PYROXD2: variants seen among roughly 807,000 people sequenced by gnomAD.
PYROXD2 encodes pyridine nucleotide-disulphide oxidoreductase domain 2.
In PYROXD2, 69 loss-of-function variants were observed where a neutral mutation model predicts 71.1. The observed-to-expected ratio is 0.97, with a 90% CI of 0.80 to 1.19. The LOEUF (loss-of-function observed/expected upper bound fraction) is 1.19, where lower values mean the gene tolerates loss of function less well. PYROXD2 is among the 50% of genes most tolerant of loss of function. The pLI, the probability that PYROXD2 is intolerant of heterozygous loss-of-function variation, is 0.00. For missense variants in PYROXD2, 745 were observed against 748.9 expected, an observed-to-expected ratio of 0.99 and a Z score of 0.06; for synonymous variants, 287 against 302.7, an observed-to-expected ratio of 0.95 and a Z score of 0.54.
At chr10:98,392,310 A>G in intron 10 of PYROXD2, 122 bp downstream of exon 10, 1 of 1,484,120 alleles carries the variant, frequency 6.7e-7, no homozygotes, top group Admixed American at 2.1e-5. Flanking sequence ...CTGTTTCCCA[A>G]ATGCAGAGAC....
intron 8 of PYROXD2, 135 bp from the exon 9 acceptor site, chr10:98,393,218 A>G: frequency 1.5e-6 from 1 of 683,942 alleles, no homozygotes. Context: ...GCAGCCTTCA[A>G]TGAGCTCAAG....
intron 2 of PYROXD2, 166 bp downstream of exon 2, chr10:98,410,773 C>A: frequency 1.0e-6 from 1 of 1,001,522 alleles, no homozygotes; most frequent in South Asian, 1.7e-5. Flanking sequence ...GATGAGCATT[C>A]GACCCAGCCC....
chr10:98,400,322 T>C, intron 4 of PYROXD2, 65 bp from the exon 5 acceptor site: 2 of 1,486,194 alleles, frequency 1.3e-6, no homozygotes, highest in Non-Finnish European at 1.8e-6. Flanking sequence ...ATCATCTTTC[T>C]CCGATTGTGT....
At chr10:98,386,327 G>GAGGAAGGAAGGAAGGAAGGAAGGAAGGA (rs57195135) in intron 14 of PYROXD2, among the ~76,000 whole-genome samples, 1 of 134,842 alleles carries the variant, frequency 7.4e-6, no homozygotes, top group Non-Finnish European at 1.5e-5. Context: ...GGAAGGGAGG[G>GAGGAAGGAAGGAAGGAAGGAAGGAAGGA]AGGAAGGAAG....
chr10:98,401,615 T>G (rs1343554728), intron 4 of PYROXD2, among the ~76,000 whole-genome samples: 4 of 152,176 alleles, frequency 2.6e-5, no homozygotes, highest in Admixed American at 2.0e-4. Context: ...ATAAAATATT[T>G]TCTTTATATC....
At chr10:98,403,113 G>C (rs1038887800) in intron 4 of PYROXD2, among the ~76,000 whole-genome samples, 10 of 152,230 alleles carry the variant, frequency 6.6e-5, no homozygotes, top group African/African-American at 2.4e-4. Context: ...CTGTGGAGGA[G>C]ATTTCCGATG....
chr10:98,388,554 G>T, intron 12 of PYROXD2, 46 bp from the exon 13 acceptor site: 1 of 1,482,244 alleles, frequency 6.7e-7, no homozygotes, highest in South Asian at 1.4e-5. Context: ...GCAGCAGTGC[G>T]GAGGGTAGGG....
At chr10:98,389,104 G>A (rs1466081035) in intron 12 of PYROXD2, among the ~76,000 whole-genome samples, 1 of 152,060 alleles carries the variant, frequency 6.6e-6, no homozygotes, top group East Asian at 1.9e-4. Flanking sequence ...CAATGTTCTC[G>A]CTGAACTCGG....
chr10:98,405,090 A>G (rs1301422419), intron 4 of PYROXD2, among the ~76,000 whole-genome samples: 1 of 151,992 alleles, frequency 6.6e-6, no homozygotes, highest in East Asian at 1.9e-4. Flanking sequence ...AGGGGATGAA[A>G]AGCCCCCCTC....
At chr10:98,401,273 A>ACAAAC (rs1554879097) in intron 4 of PYROXD2, among the ~76,000 whole-genome samples, 1,221 of 121,644 alleles carry the variant, frequency 0.01, 47 homozygotes, top group African/African-American at 0.035. Flanking sequence ...AAAACAAAAA[A>ACAAAC]AAACAAACAT....
Position 98,414,989 on chromosome 10 carries a change from G to A in PYROXD2, c.127+20C>T, listed in dbSNP as rs368162969. On this transcript the variant is annotated intron_variant, in intron 1 of 15. Coordinates refer to ENST00000370575, the MANE Select transcript of PYROXD2 (RefSeq NM_032709.3). ...TCTTCCCGCCCCTCAGCTCTGGCCC[G>A]GCCTGCTTTACCACTTTACCTGCTC... 3 of 1,607,350 alleles carry A rather than the reference G, an allele frequency of 1.9e-6. No individual in the cohort carries two copies. The highest frequency in any genetic ancestry group is 3.4e-5 in the Admixed American group (2 of 59,558).
At chr10:98,391,832 A>T (rs989667169) in intron 10 of PYROXD2, among the ~76,000 whole-genome samples, 2 of 151,826 alleles carry the variant, frequency 1.3e-5, no homozygotes, top group African/African-American at 4.8e-5. Flanking sequence ...CGAGTCCCCC[A>T]CCCGGTCATC....
At chr10:98,389,168 C>T (rs12242756) in intron 12 of PYROXD2, among the ~76,000 whole-genome samples, 271 of 152,228 alleles carry the variant, frequency 1.8e-3, no homozygotes, top group African/African-American at 6.2e-3. Context: ...GCCTGATTAG[C>T]CTCTAAAATC....
rs17109738 is a variant in PYROXD2 at position 98,411,138 on chromosome 10, C to T, written c.128-180G>A. On this transcript the variant is annotated intron_variant, in intron 1 of 15. Transcript: ENST00000370575. ...GCATCTAGTTCAACTCCATGAAACACCAGATCTTCAAGGAGTCAGAAAACC... is the reference window on the plus strand; with the variant it reads ...GCATCTAGTTCAACTCCATGAAACATCAGATCTTCAAGGAGTCAGAAAACC... The T allele has an allele frequency of 5.2e-3, 4,309 of 834,058 alleles. 118 individuals carry two copies. The African/African-American group carries it at 0.061, about 12-fold the overall frequency. 51.7% of individuals were successfully genotyped at this position (834,058 alleles called of 1,614,324 possible). A position where few individuals can be genotyped will look rare whatever the true frequency, so the allele number is the denominator to read the frequency against.
Position 98,392,958 on chromosome 10 carries a change from C to A in PYROXD2, c.911G>T (p.Ser304Ile), listed in dbSNP as rs149406474. The change falls in exon 9 of 16, where the codon AGC (serine) becomes ATC (isoleucine). Residue 304 changes from serine to isoleucine, a missense_variant. Coordinates refer to ENST00000370575, the MANE Select transcript of PYROXD2 (RefSeq NM_032709.3). ...IASSATTHGA[S>I]IFTEKTVAKV... Reference sequence around the variant, plus strand: ...GCCGTTCACCTTTTCAGTGAAGATGCTTGCTCCATGTGTGGTGGCTGAGCT... The same window carrying A: ...GCCGTTCACCTTTTCAGTGAAGATGATTGCTCCATGTGTGGTGGCTGAGCT... 4.9e-5 allele frequency: 79 copies of A among 1,613,918 alleles called. No homozygotes were observed. Among genetic ancestry groups the A allele is most frequent in the Admixed American group, 4.0e-4 (24 of 59,988 alleles).
chr10:98,384,801 C>G, intron 15 of PYROXD2, 146 bp downstream of exon 15: 4 of 1,258,992 alleles, frequency 3.2e-6, no homozygotes, highest in Non-Finnish European at 4.2e-6. Context: ...ATGGATAATT[C>G]TGAACACAGG....
Position 98,414,045 on chromosome 10 carries a change from T to G in PYROXD2, c.127+964A>C, listed in dbSNP as rs570709917. 29 of 152,110 alleles carry G rather than the reference T, an allele frequency of 1.9e-4. No individual in the cohort carries two copies. In the East Asian group the frequency reaches 5.2e-3, roughly 27 times the overall value. The allele number at this position is 152,110 out of a possible 1,614,324, so 9.4% of individuals were successfully genotyped here. ...AAGCATGTGTATATGTGTATATATA[T>G]GTACGTAACACATATACATATATAT... is the stretch of plus-strand genomic sequence containing the variant. On this transcript the variant is annotated intron_variant, in intron 1 of 15. Coordinates refer to ENST00000370575, the MANE Select transcript of PYROXD2 (RefSeq NM_032709.3).
At chr10:98,392,387 G>A in intron 10 of PYROXD2, 45 bp downstream of exon 10, 1 of 1,599,642 alleles carries the variant, frequency 6.3e-7, no homozygotes, top group Non-Finnish European at 8.5e-7. Context: ...TCTAACCCCT[G>A]TTTTGGCAGA....
chr10:98,415,171 T>C lies in PYROXD2; in HGVS notation c.-36A>G. 1 of 1,602,788 alleles carries C rather than the reference T, an allele frequency of 6.2e-7. No homozygotes were observed. The highest frequency in any genetic ancestry group is 8.5e-7 in the Non-Finnish European group (1 of 1,175,962). ...GGCTGGGCCTTGCTAGGCAGGGAGT[T>C]TGCTAGCGATTGGCTTTTGTGCTGC... On this transcript the variant is annotated 5_prime_UTR_variant, in exon 1 of 16. Transcript: ENST00000370575.
Sources: allele counts gnomAD v4.1 joint callset (sites outside exome capture counted in the v4.1 genomes callset), GRCh38; gene constraint gnomAD v4.1.1; transcripts MANE v1.5; gene names NCBI Gene and HGNC (gene_info 2026-07-23, HGNC 2026-07-21).